Variants in OR2L13 observed in about 807,000 individuals in gnomAD.
The protein encoded by OR2L13 is olfactory receptor 2L13.
In OR2L13, 14 loss-of-function variants were observed where a neutral mutation model predicts 15.3. The ratio of observed to expected loss-of-function variants is 0.91; its 90% CI spans 0.60 to 1.43. OR2L13 has a LOEUF of 1.43. Among genes scored for constraint, OR2L13 ranks in the 40% most tolerant of loss-of-function variants. The pLI is 0.00. For synonymous variants in OR2L13, 152 were observed against 142.9 expected (o/e 1.06, Z -0.45); for missense variants, 367 against 387.9 (o/e 0.95, Z 0.45).
the OR2L13 span, among the ~76,000 whole-genome samples, chr1:247,962,001 G>A: frequency 6.6e-5 from 10 of 152,154 alleles, no homozygotes; most frequent in Non-Finnish European, 1.2e-4. Flanking sequence ...ACCTATTTTC[G>A]TTGCTGCTTC....
At chr1:248,086,100 AATTTTT>A in the OR2L13 span, among the ~76,000 whole-genome samples, 1 of 152,196 alleles carries the variant, frequency 6.6e-6, no homozygotes, top group Non-Finnish European at 1.5e-5. Context: ...ATTGACACAA[AATTTTT>A]ATTTTTAATT....
At chr1:248,052,380 C>A in the OR2L13 span, among the ~76,000 whole-genome samples, 3 of 152,090 alleles carry the variant, frequency 2.0e-5, no homozygotes, top group Admixed American at 6.5e-5. Flanking sequence ...AGCTATATGT[C>A]TGGTGCCATT....
chr1:247,979,269 G>T, the OR2L13 span, among the ~76,000 whole-genome samples: 1 of 152,044 alleles, frequency 6.6e-6, no homozygotes, highest in East Asian at 1.9e-4. Context: ...CCATCAACTT[G>T]TCATTTACAT....
chr1:247,952,141 A>C, the OR2L13 span, among the ~76,000 whole-genome samples: 2 of 152,196 alleles, frequency 1.3e-5, no homozygotes, highest in African/African-American at 4.8e-5. Flanking sequence ...CTCAGAGATG[A>C]AATTATTAGA....
the OR2L13 span, chr1:248,061,280 T>A: frequency 6.2e-7 from 1 of 1,604,642 alleles, no homozygotes; most frequent in Admixed American, 1.7e-5. Context: ...ACAGTGTTTT[T>A]GAGCACCACC....
the OR2L13 span, among the ~76,000 whole-genome samples, chr1:247,983,690 A>G: frequency 3.3e-5 from 5 of 152,314 alleles, no homozygotes; most frequent in South Asian, 1.0e-3. Context: ...AGAACCGTGG[A>G]ACGTGAATAA....
chr1:248,079,789 G>T, the OR2L13 span, among the ~76,000 whole-genome samples: 1 of 152,148 alleles, frequency 6.6e-6, no homozygotes, highest in Non-Finnish European at 1.5e-5. Flanking sequence ...TAGCATAGTA[G>T]ACTATCTTTA....
the OR2L13 span, among the ~76,000 whole-genome samples, chr1:247,964,870 A>G: frequency 2.0e-5 from 3 of 148,812 alleles, no homozygotes; most frequent in Non-Finnish European, 4.5e-5. Flanking sequence ...TGAAGTATAT[A>G]TAGAAATTAC....
At chr1:248,022,283 G>A in the OR2L13 span, 2 of 1,614,020 alleles carry the variant, frequency 1.2e-6, no homozygotes, top group East Asian at 4.5e-5. Flanking sequence ...CAGAAGCGCT[G>A]CTCCTGACAT....
the OR2L13 span, among the ~76,000 whole-genome samples, chr1:248,042,948 G>T: frequency 3.9e-5 from 6 of 152,152 alleles, no homozygotes; most frequent in African/African-American, 1.4e-4. Context: ...TTAAGAAGAT[G>T]CAAAGGCTTG....
the OR2L13 span, chr1:248,039,823 G>T: frequency 1.3e-5 from 2 of 152,016 alleles, no homozygotes; most frequent in African/African-American, 4.8e-5. Context: ...CTCTCAACTG[G>T]TATGTATGTC....
the OR2L13 span, among the ~76,000 whole-genome samples, chr1:247,983,329 T>A: frequency 0.035 from 5,287 of 152,252 alleles, 275 homozygotes; most frequent in African/African-American, 0.12. Context: ...ATGCCAGACG[T>A]CGCCCGGGTT....
chr1:248,089,306 G>T, the OR2L13 span, among the ~76,000 whole-genome samples: 1 of 152,124 alleles, frequency 6.6e-6, no homozygotes, highest in Non-Finnish European at 1.5e-5. Context: ...TCTGGGCAAG[G>T]AAATGTGTTT....
the OR2L13 span, chr1:248,038,993 C>A: frequency 2.8e-4 from 452 of 1,614,034 alleles, 3 homozygotes; most frequent in East Asian, 9.8e-3. Flanking sequence ...CCTGTAGCAC[C>A]CACCTCACTG....
the OR2L13 span, chr1:247,949,097 G>C: frequency 6.2e-7 from 1 of 1,613,864 alleles, no homozygotes; most frequent in Non-Finnish European, 8.5e-7. Flanking sequence ...TTCCTAAGAT[G>C]GCATCTGATT....
chr1:248,031,049 A>G, the OR2L13 span, among the ~76,000 whole-genome samples: 1 of 152,230 alleles, frequency 6.6e-6, no homozygotes, highest in South Asian at 2.1e-4. Context: ...GTTTTTAAAT[A>G]GGCTTAAAAT....
chr1:248,027,849 C>T, the OR2L13 span, among the ~76,000 whole-genome samples: 3 of 152,126 alleles, frequency 2.0e-5, no homozygotes, highest in African/African-American at 7.2e-5. Flanking sequence ...TAGCCCATCA[C>T]CCATGCAGAC....
At chr1:247,967,945 CTTT>C in the OR2L13 span, among the ~76,000 whole-genome samples, 1 of 151,422 alleles carries the variant, frequency 6.6e-6, no homozygotes, top group African/African-American at 2.4e-5. Context: ...TTTCTTTCTT[CTTT>C]TTCTCCTTCT....
At chr1:247,982,280 G>C in the OR2L13 span, among the ~76,000 whole-genome samples, 5,888 of 152,188 alleles carry the variant, frequency 0.039, 353 homozygotes, top group African/African-American at 0.13. Flanking sequence ...TGGTTCCCAA[G>C]TCTATCACTA....
Sources: allele counts gnomAD v4.1 joint callset (sites outside exome capture counted in the v4.1 genomes callset), GRCh38; gene constraint gnomAD v4.1.1; transcripts MANE v1.5; gene names NCBI Gene and HGNC (gene_info 2026-07-23, HGNC 2026-07-21).